The following FAF1 variants were observed in gnomAD, a reference collection of about 807,000 sequenced individuals.
The protein encoded by FAF1 is FAS-associated factor 1.
FAF1 carries 25 observed loss-of-function variants against 92.5 expected under a neutral mutation model. The ratio of observed to expected loss-of-function variants is 0.27; its 90% CI spans 0.20 to 0.38. The LOEUF (loss-of-function observed/expected upper bound fraction) is 0.38. FAF1 is among the 10% of genes least tolerant of loss of function. FAF1 has a pLI of 1.00. For synonymous variants in FAF1, 234 were observed against 273.2 expected, an observed-to-expected ratio of 0.86 and a Z score of 1.42; for missense variants, 636 against 793.3, an observed-to-expected ratio of 0.80 and a Z score of 2.38.
intron 12 of FAF1, among the ~76,000 whole-genome samples, chr1:50,580,375 C>G (rs1650935540): frequency 6.6e-6 from 1 of 151,782 alleles, no homozygotes; most frequent in Non-Finnish European, 1.5e-5. Flanking sequence ...TTTTGTCAAT[C>G]TGTAGCAGTT....
chr1:50,503,130 C>T (rs1647012874), intron 15 of FAF1, among the ~76,000 whole-genome samples: 1 of 152,130 alleles, frequency 6.6e-6, no homozygotes, highest in South Asian at 2.1e-4. Context: ...TGAGCCACTG[C>T]ACCTTGCTCT....
At chr1:50,692,249 G>C (rs1656965761) in intron 7 of FAF1, among the ~76,000 whole-genome samples, 1 of 120,140 alleles carries the variant, frequency 8.3e-6, no homozygotes, top group African/African-American at 3.4e-5. Context: ...TACTGTGTGT[G>C]TGTGTGTGTG....
At position 50,684,105 on chromosome 1, in the gene FAF1, T is replaced by C. The variant is rs182016727; in HGVS notation, c.657+21681A>G. On this transcript the variant is annotated intron_variant, in intron 7 of 18. Coordinates refer to ENST00000396153, the MANE Select transcript of FAF1 (RefSeq NM_007051.3). ...ACACTATTGGTTTCCAACTTGGAAA[T>C]TGAAAGGTGAGTTAGTTAAGCAATA... 7.0e-4 allele frequency among the ~76,000 whole-genome samples: 107 copies of C among 152,096 alleles called. 1 individual carries two copies. Among genetic ancestry groups the C allele is most frequent in the East Asian group, 2.5e-3 (13 of 5,180 alleles).
chr1:50,874,495 G>C (rs189551278), intron 1 of FAF1, among the ~76,000 whole-genome samples: 1 of 152,124 alleles, frequency 6.6e-6, no homozygotes, highest in African/African-American at 2.4e-5. Context: ...CAAGTAGCTA[G>C]GACTACAGGC....
intron 18 of FAF1, among the ~76,000 whole-genome samples, chr1:50,470,048 A>G (rs931890033): frequency 3.9e-5 from 6 of 152,214 alleles, no homozygotes; most frequent in African/African-American, 1.4e-4. Context: ...ATTGCATTAA[A>G]GTTTTTCCTT....
chr1:50,466,722 G>A (rs184779189), intron 18 of FAF1, among the ~76,000 whole-genome samples: 52 of 152,238 alleles, frequency 3.4e-4, no homozygotes, highest in Admixed American at 2.6e-3. Flanking sequence ...GTGGAATAAA[G>A]CCAAGCTCCT....
chr1:50,522,782 T>G (rs1431449734), intron 15 of FAF1, among the ~76,000 whole-genome samples: 1 of 152,180 alleles, frequency 6.6e-6, no homozygotes, highest in Non-Finnish European at 1.5e-5. Flanking sequence ...TAACATACAA[T>G]ATAGTATTTT....
chr1:50,583,544 G>A lies in FAF1; in HGVS notation c.1031+108C>T. On this transcript the variant is annotated intron_variant, in intron 11 of 18. Transcript: ENST00000396153. The surrounding 1 kb of genome is among the most constrained non-coding windows in gnomAD (Gnocchi z 4.2). ...ATATAAATTAACAAGTATATCCTTT[G>A]AATACTTTAAGGAGAAACTTTAAAC... 1 of 612,788 alleles carries A rather than the reference G, an allele frequency of 1.6e-6. No individual in the cohort carries two copies. Among genetic ancestry groups the A allele is most frequent in the Non-Finnish European group, 2.7e-6 (1 of 366,134 alleles). The allele number at this position is 612,788 out of a possible 1,614,324, so 38.0% of individuals were successfully genotyped here.
intron 3 of FAF1, among the ~76,000 whole-genome samples, chr1:50,800,811 C>T (rs1335372898): frequency 2.6e-5 from 4 of 152,102 alleles, no homozygotes; most frequent in South Asian, 2.1e-4. Flanking sequence ...TCGCCTCATC[C>T]GCACTTACCA....
chr1:50,665,690 A>G (rs939369770), intron 7 of FAF1, among the ~76,000 whole-genome samples: 15 of 152,200 alleles, frequency 9.9e-5, no homozygotes, highest in African/African-American at 3.6e-4. Flanking sequence ...TGGCCTAAAA[A>G]GCCCAAAATA....
intron 18 of FAF1, among the ~76,000 whole-genome samples, chr1:50,463,871 A>G (rs1646462386): frequency 6.6e-6 from 1 of 152,224 alleles, no homozygotes; most frequent in South Asian, 2.1e-4. Flanking sequence ...TCTACCAACA[A>G]AAGTCACTCA....
intron 4 of FAF1, among the ~76,000 whole-genome samples, chr1:50,764,926 T>G (rs961927623): frequency 6.6e-6 from 1 of 152,206 alleles, no homozygotes; most frequent in African/African-American, 2.4e-5. Context: ...TATCTTTACG[T>G]TGGAAACTAG....
At chr1:50,500,132 AC>A (rs1207355140) in intron 15 of FAF1, among the ~76,000 whole-genome samples, 3 of 152,126 alleles carry the variant, frequency 2.0e-5, no homozygotes, top group Admixed American at 1.3e-4. Flanking sequence ...TCAAAATACC[AC>A]CAAAAATTTT....
chr1:50,491,291 C>T (rs1646836398), intron 16 of FAF1, among the ~76,000 whole-genome samples: 1 of 152,208 alleles, frequency 6.6e-6, no homozygotes, highest in Admixed American at 6.5e-5. Context: ...ACTTAATCAA[C>T]TCTACCACAT....
chr1:50,710,766 C>G (rs560550713), intron 6 of FAF1, among the ~76,000 whole-genome samples: 1 of 151,774 alleles, frequency 6.6e-6, no homozygotes, highest in South Asian at 2.1e-4. Context: ...CCACGCCCGG[C>G]TAATTTTTTG....
intron 17 of FAF1, 36 bp from the exon 18 acceptor site, chr1:50,475,715 A>G (rs767456750): frequency 1.4e-6 from 2 of 1,467,604 alleles, no homozygotes; most frequent in South Asian, 1.2e-5. Context: ...AAAATGTGAG[A>G]AGGACTGGAC....
intron 1 of FAF1, among the ~76,000 whole-genome samples, chr1:50,883,673 A>G (rs1345967074): frequency 1.3e-5 from 2 of 152,176 alleles, no homozygotes; most frequent in African/African-American, 4.8e-5. Flanking sequence ...GAGACTAAAG[A>G]TACAACCATC....
Position 50,440,448 on chromosome 1 carries a change from A to C in FAF1, c.*992T>G, listed in dbSNP as rs1266956989. 1 of 152,268 alleles carries C rather than the reference A, an allele frequency of 6.6e-6. No individual in the cohort carries two copies. The highest frequency in any genetic ancestry group is 1.5e-5 in the Non-Finnish European group (1 of 68,046). 9.4% of individuals were successfully genotyped at this position (152,268 alleles called of 1,614,324 possible). On this transcript the variant is annotated 3_prime_UTR_variant, in exon 19 of 19. Transcript: ENST00000396153. ...TGAGTCCAATATCAAATACTAAAACATTAAAAGAATAAAATAGTAGAGCAA... is the reference window on the plus strand; with the variant it reads ...TGAGTCCAATATCAAATACTAAAACCTTAAAAGAATAAAATAGTAGAGCAA...
At chr1:50,612,561 C>T in intron 8 of FAF1, 2 of 708,050 alleles carry the variant, frequency 2.8e-6, no homozygotes, top group Non-Finnish European at 3.5e-6. Context: ...GCCATTTACC[C>T]CTCAACACTG....
Sources: allele counts gnomAD v4.1 joint callset (sites outside exome capture counted in the v4.1 genomes callset), GRCh38; gene constraint gnomAD v4.1.1; non-coding constraint Gnocchi (gnomAD v3.1); transcripts MANE v1.5; gene names NCBI Gene and HGNC (gene_info 2026-07-23, HGNC 2026-07-21).